Variants in SNTG1 observed in about 807,000 individuals in gnomAD.
SNTG1 encodes gamma-1-syntrophin.
SNTG1 carries 39 observed loss-of-function variants against 74.7 expected under a neutral mutation model. The ratio of observed to expected loss-of-function variants is 0.52; its 90% CI spans 0.40 to 0.68. SNTG1 has a LOEUF of 0.68. SNTG1 is among the 30% of genes least tolerant of loss of function. The pLI is 0.00. For synonymous variants in SNTG1, 254 were observed against 217.1 expected (o/e 1.17, Z -1.49); for missense variants, 685 against 609.5 (o/e 1.12, Z -1.30).
At chr8:50,133,745 A>G (rs1304981825) in intron 1 of SNTG1, among the ~76,000 whole-genome samples, 1 of 152,164 alleles carries the variant, frequency 6.6e-6, no homozygotes, top group Admixed American at 6.6e-5. Flanking sequence ...TTTAAAGAAT[A>G]TAAGTCATGT....
chr8:50,386,457 ACATACAC>A (rs2092575771), intron 2 of SNTG1, among the ~76,000 whole-genome samples: 1 of 25,680 alleles, frequency 3.9e-5, no homozygotes, highest in Non-Finnish European at 7.6e-5. Flanking sequence ...AAGATTAACA[ACATACAC>A]CTGTGGTAGG....
intron 15 of SNTG1, among the ~76,000 whole-genome samples, chr8:50,666,595 C>A (rs924882033): frequency 6.6e-6 from 1 of 152,002 alleles, no homozygotes; most frequent in African/African-American, 2.4e-5. Flanking sequence ...TATTCCATGT[C>A]AGGAGTTTCT....
intron 2 of SNTG1, among the ~76,000 whole-genome samples, chr8:50,385,888 C>T (rs569197564): frequency 2.0e-3 from 302 of 152,290 alleles, no homozygotes; most frequent in African/African-American, 7.0e-3. Flanking sequence ...TCTCCAAAAT[C>T]CATCTGTCTT....
intron 15 of SNTG1, among the ~76,000 whole-genome samples, chr8:50,687,588 T>A (rs1487437986): frequency 6.6e-6 from 1 of 152,240 alleles, no homozygotes; most frequent in Admixed American, 6.5e-5. Flanking sequence ...TTTATTATTA[T>A]AATTTAAGTT....
chr8:50,642,981 G>T (rs1012821176), intron 13 of SNTG1, among the ~76,000 whole-genome samples: 3 of 151,988 alleles, frequency 2.0e-5, no homozygotes, highest in African/African-American at 7.2e-5. Context: ...AAATGTTCAG[G>T]TTACCAATCA....
intron 4 of SNTG1, among the ~76,000 whole-genome samples, chr8:50,426,831 A>C (rs1204997390): frequency 6.6e-6 from 1 of 151,640 alleles, no homozygotes; most frequent in African/African-American, 2.4e-5. Context: ...ATAAGAAGTA[A>C]CACAAATTTA....
At chr8:49,992,216 T>A (rs905685383) in intron 1 of SNTG1, among the ~76,000 whole-genome samples, 2 of 152,124 alleles carry the variant, frequency 1.3e-5, no homozygotes, top group African/African-American at 4.8e-5. Flanking sequence ...AATAAGAATG[T>A]AAGAAGATAA....
At chr8:50,376,754 T>TAGAGAGAGAGAGAGAGAG (rs770555169) in intron 2 of SNTG1, among the ~76,000 whole-genome samples, 15 of 100,310 alleles carry the variant, frequency 1.5e-4, no homozygotes, top group East Asian at 2.7e-4. Flanking sequence ...TATATATATA[T>TAGAGAGAGAGAGAGAGAG]ATAGAGAGAG....
intron 2 of SNTG1, among the ~76,000 whole-genome samples, chr8:50,227,896 CA>C (rs537173983): frequency 5.3e-5 from 5 of 94,900 alleles, no homozygotes; most frequent in African/African-American, 1.4e-4. Flanking sequence ...GTCCAGCCTC[CA>C]AAAAAAATGA....
chr8:50,090,915 TA>T (rs1392130223), intron 1 of SNTG1, among the ~76,000 whole-genome samples: 1 of 152,156 alleles, frequency 6.6e-6, no homozygotes, highest in Non-Finnish European at 1.5e-5. Context: ...GGGCCCTTGT[TA>T]AAATTATGCT....
At chr8:50,102,353 T>A (rs952625682) in intron 1 of SNTG1, among the ~76,000 whole-genome samples, 3 of 151,964 alleles carry the variant, frequency 2.0e-5, no homozygotes. Context: ...TGCACAAATG[T>A]CTTCTTTTGA....
intron 13 of SNTG1, among the ~76,000 whole-genome samples, chr8:50,649,621 G>A (rs1167885909): frequency 5.3e-5 from 8 of 152,166 alleles, no homozygotes; most frequent in Middle Eastern, 3.2e-3. Flanking sequence ...GATAAACACA[G>A]GATATACAAC....
chr8:50,462,902 C>T (rs534178192), intron 8 of SNTG1, among the ~76,000 whole-genome samples: 2 of 139,250 alleles, frequency 1.4e-5, no homozygotes, highest in Admixed American at 8.2e-5. Flanking sequence ...CTGTAACTGC[C>T]GCCTCCCAGG....
chr8:50,746,964 A>G (rs2095556480), intron 17 of SNTG1, among the ~76,000 whole-genome samples: 1 of 150,966 alleles, frequency 6.6e-6, no homozygotes. Flanking sequence ...GTAGTCAAAC[A>G]ATAAATGCAA....
At chr8:50,644,775 G>A (rs1018092963) in intron 13 of SNTG1, among the ~76,000 whole-genome samples, 1 of 152,132 alleles carries the variant, frequency 6.6e-6, no homozygotes, top group African/African-American at 2.4e-5. Flanking sequence ...ATTAATTCTT[G>A]AGTTCTGCAG....
intron 18 of SNTG1, among the ~76,000 whole-genome samples, chr8:50,781,022 G>A (rs1243969949): frequency 6.6e-6 from 1 of 152,190 alleles, no homozygotes; most frequent in Non-Finnish European, 1.5e-5. Context: ...TTTTGAGTGA[G>A]TTTCTTAATC....
chr8:50,529,488 A>G (rs371017017), intron 9 of SNTG1, among the ~76,000 whole-genome samples: 4 of 152,014 alleles, frequency 2.6e-5, no homozygotes, highest in African/African-American at 7.2e-5. Flanking sequence ...ATTTATAAAC[A>G]TTAGTAACTT....
chr8:50,333,463 C>G (rs1369024528), intron 2 of SNTG1, among the ~76,000 whole-genome samples: 1 of 152,222 alleles, frequency 6.6e-6, no homozygotes, highest in East Asian at 1.9e-4. Flanking sequence ...GAATTCCTAG[C>G]TGAATAACTG....
At chr8:50,509,825 A>G (rs905639535) in intron 9 of SNTG1, among the ~76,000 whole-genome samples, 1 of 152,104 alleles carries the variant, frequency 6.6e-6, no homozygotes, top group Non-Finnish European at 1.5e-5. Flanking sequence ...GGCTGAGATG[A>G]TGGGGTTTTC....
Sources: allele counts gnomAD v4.1 joint callset (sites outside exome capture counted in the v4.1 genomes callset), GRCh38; gene constraint gnomAD v4.1.1; transcripts MANE v1.5; gene names NCBI Gene and HGNC (gene_info 2026-07-23, HGNC 2026-07-21).